RNF13: variants seen among roughly 807,000 people sequenced by gnomAD.
RNF13 encodes the protein ring finger protein 13, also known as E3 ubiquitin-protein ligase RNF13.
A neutral mutation model predicts 37.7 loss-of-function variants in RNF13; 19 were observed. The observed-to-expected ratio is 0.50, with a 90% CI of 0.35 to 0.74. The LOEUF (loss-of-function observed/expected upper bound fraction) is 0.74. Ranked by LOEUF, RNF13 falls within the 30% of genes least tolerant of loss-of-function variation. The pLI is 0.01. For missense variants in RNF13, 375 were observed against 453.0 expected, an observed-to-expected ratio of 0.83 and a Z score of 1.56; for synonymous variants, 144 against 157.8, an observed-to-expected ratio of 0.91 and a Z score of 0.65.
chr3:149,901,978 T>C, intron 5 of RNF13, 94 bp from the exon 6 acceptor site: 1 of 506,570 alleles, frequency 2.0e-6, no homozygotes, highest in African/African-American at 2.0e-5. Flanking sequence ...TTGATTGTAA[T>C]TGTTTCCAGT....
Position 149,921,238 on chromosome 3 carries a change from G to C in RNF13, c.700+11G>C, listed in dbSNP as rs759625269. 2.4e-6 allele frequency: 3 copies of C among 1,255,160 alleles called. No individual in the cohort carries two copies. In the South Asian group the frequency reaches 5.9e-5, roughly 25 times the overall value. 77.8% of individuals were successfully genotyped at this position (1,255,160 alleles called of 1,614,324 possible). On this transcript the variant is annotated intron_variant, in intron 8 of 9. Transcript: ENST00000392894. ...ATAAATTCAAGAAAGGTAAGTATTT[G>C]TTTTCTAAATAATTATCCTTAGTTT...
chr3:149,922,738 G>A (rs1718273097), intron 8 of RNF13, among the ~76,000 whole-genome samples: 1 of 152,088 alleles, frequency 6.6e-6, no homozygotes, highest in Non-Finnish European at 1.5e-5. Flanking sequence ...TATAGATGAG[G>A]AAAAATCGGG....
intron 6 of RNF13, among the ~76,000 whole-genome samples, chr3:149,911,491 A>G (rs965560786): frequency 2.6e-5 from 4 of 151,986 alleles, no homozygotes; most frequent in African/African-American, 9.7e-5. Flanking sequence ...AACCCTCTCT[A>G]CTAATAAAAA....
At chr3:149,860,125 G>T (rs1217648316) in intron 3 of RNF13, among the ~76,000 whole-genome samples, 2 of 151,250 alleles carry the variant, frequency 1.3e-5, no homozygotes, top group South Asian at 4.2e-4. Flanking sequence ...AATTAGCCGG[G>T]CATGGTGGTG....
At chr3:149,877,756 A>C (rs948344737) in intron 4 of RNF13, among the ~76,000 whole-genome samples, 3 of 152,166 alleles carry the variant, frequency 2.0e-5, no homozygotes, top group Non-Finnish European at 4.4e-5. Context: ...AACATTTGTT[A>C]TTAATCTACT....
intron 3 of RNF13, among the ~76,000 whole-genome samples, chr3:149,860,270 A>ATATATATATATAT (rs1553756034): frequency 9.6e-6 from 1 of 104,118 alleles, no homozygotes. Context: ...AAAAAAAAAA[A>ATATATATATATAT]ATATATATAT....
At chr3:149,873,417 T>C (rs995344818) in intron 4 of RNF13, among the ~76,000 whole-genome samples, 2 of 152,222 alleles carry the variant, frequency 1.3e-5, no homozygotes, top group African/African-American at 4.8e-5. Flanking sequence ...ATGAATACAG[T>C]AGGCTTGTTA....
rs756828117 is a variant in RNF13, at chr3:149,852,552, C to T, written c.151C>T (p.Leu51Phe). Reference sequence around the variant, plus strand: ...AAATGCATCTCAGACATTTGATGACCTCCCTGCAAGATTTGGTTATAGACT... The same window carrying T: ...AAATGCATCTCAGACATTTGATGACTTCCCTGCAAGATTTGGTTATAGACT... ...FENASQTFDD[L>F]PARFGYRLPA... Residue 51 changes from leucine to phenylalanine, a missense_variant, in exon 3 of 10, where the codon CTC (leucine) becomes TTC (phenylalanine). Coordinates refer to ENST00000392894, the MANE Select transcript of RNF13 (RefSeq NM_183381.3). 8 of 1,557,048 alleles carry T rather than the reference C, an allele frequency of 5.1e-6. No individual in the cohort carries two copies. In the East Asian group the frequency reaches 1.4e-4, roughly 27 times the overall value.
intron 2 of RNF13, among the ~76,000 whole-genome samples, chr3:149,850,882 T>C (rs1723061249): frequency 6.6e-6 from 1 of 152,244 alleles, no homozygotes; most frequent in Admixed American, 6.5e-5. Context: ...AAGCATTTTG[T>C]AACTCTGAAG....
rs145868917 is a variant in RNF13, at chr3:149,925,258, G to A, written c.700+4031G>A. Among the ~76,000 whole-genome samples, 32 of 152,230 alleles carry A rather than the reference G, an allele frequency of 2.1e-4. 2 individuals are homozygous for A. The East Asian group carries it at 6.0e-3, about 28-fold the overall frequency. On this transcript the variant is annotated intron_variant, in intron 8 of 9. Coordinates refer to ENST00000392894, the MANE Select transcript of RNF13 (RefSeq NM_183381.3). ...ATCATCACTTTTTTCAAAATGTGAA[G>A]TATAACATTTATACAGAAGAGTATG...
At chr3:149,861,758 A>G (rs1172778204) in intron 3 of RNF13, among the ~76,000 whole-genome samples, 4 of 152,300 alleles carry the variant, frequency 2.6e-5, no homozygotes, top group Non-Finnish European at 4.4e-5. Context: ...TGTATTAAGT[A>G]TATTTTGAAG....
rs757515921 is a variant in RNF13 at position 149,902,037 on chromosome 3, G to T, written c.410-35G>T. On this transcript the variant is annotated intron_variant, in intron 5 of 9. Coordinates refer to ENST00000392894, the MANE Select transcript of RNF13 (RefSeq NM_183381.3). ...AAAGTTGATTATACACTAAATATGG[G>T]CTTTTAAGAATAATTTCATTATTCT... 5 of 963,192 alleles carry T rather than the reference G, an allele frequency of 5.2e-6. No homozygotes were observed. In the Admixed American group the frequency reaches 8.8e-5, roughly 17 times the overall value. 59.7% of individuals were successfully genotyped at this position (963,192 alleles called of 1,614,324 possible).
At chr3:149,852,448 ATAAG>A in intron 2 of RNF13, 64 bp from the exon 3 acceptor site, 1 of 625,938 alleles carries the variant, frequency 1.6e-6, no homozygotes, top group Non-Finnish European at 2.7e-6. Context: ...ACATAATTAA[ATAAG>A]TCTTTGTTTT....
At chr3:149,923,913 T>G (rs1718399524) in intron 8 of RNF13, among the ~76,000 whole-genome samples, 1 of 152,158 alleles carries the variant, frequency 6.6e-6, no homozygotes, top group Admixed American at 6.5e-5. Flanking sequence ...CTCAGTTAAC[T>G]GTTAAAAGGA....
At chr3:149,899,557 G>A (rs1715612358) in intron 5 of RNF13, among the ~76,000 whole-genome samples, 1 of 152,210 alleles carries the variant, frequency 6.6e-6, no homozygotes, top group Non-Finnish European at 1.5e-5. Flanking sequence ...GCTGTTCTTT[G>A]GAGAGAACAC....
chr3:149,833,115 TC>T (rs1721229598), intron 1 of RNF13, among the ~76,000 whole-genome samples: 2 of 76,538 alleles, frequency 2.6e-5, no homozygotes, highest in Non-Finnish European at 5.1e-5. Flanking sequence ...TCTCTCTCTC[TC>T]TCTTTTTTTT....
At chr3:149,892,407 C>G (rs1265176550) in intron 4 of RNF13, among the ~76,000 whole-genome samples, 1 of 152,142 alleles carries the variant, frequency 6.6e-6, no homozygotes, top group East Asian at 1.9e-4. Flanking sequence ...GTGAGAAAGC[C>G]TCTTGAAAGA....
At chr3:149,949,259 A>G (rs576855609) in intron 8 of RNF13, among the ~76,000 whole-genome samples, 151 of 152,272 alleles carry the variant, frequency 9.9e-4, no homozygotes, top group South Asian at 3.9e-3. Flanking sequence ...TTTATCTGAG[A>G]AAGTCTTAAT....
At chr3:149,821,043 A>G (rs1049533882) in intron 1 of RNF13, among the ~76,000 whole-genome samples, 3 of 152,164 alleles carry the variant, frequency 2.0e-5, no homozygotes, top group African/African-American at 7.2e-5. Context: ...CCATGTCTAT[A>G]TATCAGTTTG....
Sources: gnomAD v4.1 joint callset for allele counts (sites outside exome capture counted in the v4.1 genomes callset) on GRCh38, gnomAD v4.1.1 for gene constraint, MANE v1.5 for transcripts, NCBI Gene and HGNC (gene_info 2026-07-23, HGNC 2026-07-21) for gene names.